The following FABP7 variants were observed in gnomAD, a reference collection of about 807,000 sequenced individuals.
FABP7 encodes the protein fatty acid-binding protein, brain.
In FABP7, 13 loss-of-function variants were observed where a neutral mutation model predicts 14.2. The ratio of observed to expected loss-of-function variants is 0.91; its 90% CI spans 0.59 to 1.45. The LOEUF is 1.45. FABP7 is among the 40% of genes most tolerant of loss of function. FABP7 has a pLI of 0.00. For synonymous variants in FABP7, 49 were observed against 51.4 expected, an observed-to-expected ratio of 0.95 and a Z score of 0.20; for missense variants, 149 against 157.6, an observed-to-expected ratio of 0.95 and a Z score of 0.29.
chr6:122,763,645 C>T, the FABP7 span, among the ~76,000 whole-genome samples: 1 of 152,116 alleles, frequency 6.6e-6, no homozygotes, highest in African/African-American at 2.4e-5. Context: ...ACCCATCTGA[C>T]AAAGGGCTAA....
At chr6:122,769,975 T>C in the FABP7 span, among the ~76,000 whole-genome samples, 2 of 152,156 alleles carry the variant, frequency 1.3e-5, no homozygotes, top group Non-Finnish European at 2.9e-5. Flanking sequence ...TATTGCAGAT[T>C]TCAATGGCCC....
At chr6:122,768,949 G>T in the FABP7 span, among the ~76,000 whole-genome samples, 1 of 152,096 alleles carries the variant, frequency 6.6e-6, no homozygotes, top group African/African-American at 2.4e-5. Context: ...AACAGGTTTT[G>T]TATTTTTGCA....
At chr6:122,783,338 T>C in intron 3 of FABP7, 12 of 985,034 alleles carry the variant, frequency 1.2e-5, no homozygotes, top group Non-Finnish European at 1.4e-5. Context: ...AAAATTTATC[T>C]AGGTTAAGAA....
At chr6:122,752,172 A>G in the FABP7 span, among the ~76,000 whole-genome samples, 2 of 152,190 alleles carry the variant, frequency 1.3e-5, no homozygotes, top group Non-Finnish European at 2.9e-5. Flanking sequence ...AGGAGCAAAT[A>G]TAAAAAAATC....
chr6:122,763,690 C>G, the FABP7 span, among the ~76,000 whole-genome samples: 1 of 152,022 alleles, frequency 6.6e-6, no homozygotes, highest in Non-Finnish European at 1.5e-5. Flanking sequence ...AACAAATTTA[C>G]AAGAAAAAAA....
At chr6:122,751,711 G>A in the FABP7 span, among the ~76,000 whole-genome samples, 3 of 152,116 alleles carry the variant, frequency 2.0e-5, no homozygotes, top group South Asian at 6.2e-4. Context: ...GGGAACTGAG[G>A]TACAAACGCT....
intron 3 of FABP7, chr6:122,781,600 G>A (rs767747538): frequency 3.3e-5 from 38 of 1,163,170 alleles, no homozygotes; most frequent in Non-Finnish European, 3.9e-5. Flanking sequence ...TGACTTTATA[G>A]CTCCTGTAAT....
the FABP7 span, among the ~76,000 whole-genome samples, chr6:122,766,101 A>C: frequency 6.6e-6 from 1 of 152,066 alleles, no homozygotes; most frequent in South Asian, 2.1e-4. Flanking sequence ...TCTGCTCTCA[A>C]ATATGTAGCT....
the FABP7 span, among the ~76,000 whole-genome samples, chr6:122,749,550 C>T: frequency 1.7e-4 from 26 of 152,214 alleles, no homozygotes; most frequent in African/African-American, 6.3e-4. Flanking sequence ...ACTTATAACC[C>T]TAAATATCTA....
chr6:122,781,434 T>C, intron 3 of FABP7: 1 of 1,403,206 alleles, frequency 7.1e-7, no homozygotes, highest in Non-Finnish European at 9.3e-7. Context: ...TCATGTGTAG[T>C]TAAAAAAATA....
At chr6:122,768,713 C>T in the FABP7 span, among the ~76,000 whole-genome samples, 8 of 152,162 alleles carry the variant, frequency 5.3e-5, no homozygotes, top group Non-Finnish European at 7.4e-5. Context: ...CACTAACCAA[C>T]GGGTATGATT....
chr6:122,779,639 G>T (rs1780729535), upstream of FABP7: 3 of 659,166 alleles, frequency 4.6e-6, no homozygotes, highest in Non-Finnish European at 8.1e-6. Flanking sequence ...CACTGGAGGG[G>T]TGTGTTTGCA....
the FABP7 span, among the ~76,000 whole-genome samples, chr6:122,764,243 A>G: frequency 6.6e-6 from 1 of 152,138 alleles, no homozygotes; most frequent in Non-Finnish European, 1.5e-5. Context: ...TTGTAGGGAC[A>G]TGGATGAAGC....
chr6:122,774,071 C>T, the FABP7 span, among the ~76,000 whole-genome samples: 40 of 151,956 alleles, frequency 2.6e-4, no homozygotes, highest in African/African-American at 9.2e-4. Flanking sequence ...GTTTAGAAAG[C>T]TTGGAAAAAG....
intron 3 of FABP7, chr6:122,783,364 TAAACCTATTATA>T (rs1304241711): frequency 5.1e-6 from 5 of 984,874 alleles, no homozygotes; most frequent in Non-Finnish European, 6.0e-6. Context: ...AACTGTTATG[TAAACCTATTATA>T]AAACTCATTC....
At chr6:122,758,022 T>C in the FABP7 span, among the ~76,000 whole-genome samples, 1 of 152,020 alleles carries the variant, frequency 6.6e-6, no homozygotes, top group Non-Finnish European at 1.5e-5. Flanking sequence ...AGTCTCACTT[T>C]TCATCCATTT....
At chr6:122,758,440 G>C in the FABP7 span, among the ~76,000 whole-genome samples, 1 of 152,164 alleles carries the variant, frequency 6.6e-6, no homozygotes, top group Non-Finnish European at 1.5e-5. Flanking sequence ...GAGGATATAA[G>C]ACAATGCTAA....
rs1241730011 is a variant in FABP7, at chr6:122,781,110, T to A, written c.264T>A (p.Asp88Glu). 1 of 1,613,628 alleles carries A rather than the reference T, an allele frequency of 6.2e-7. No homozygotes were observed. Among genetic ancestry groups the A allele is most frequent in the Non-Finnish European group, 8.5e-7 (1 of 1,179,594 alleles). The change falls in exon 3 of 4, where the codon GAT (aspartate) becomes GAA (glutamate). Residue 88 changes from aspartate to glutamate, a missense_variant. Coordinates refer to ENST00000368444, the MANE Select transcript of FABP7 (RefSeq NM_001446.5). ...GGTCTCAGTCTGTTGTTAGCCTGGA[T>A]GGAGACAAACTTGTTCACATACAGA... ...DRNCKSVVSL[D>E]GDKLVHIQKW...
At chr6:122,774,582 C>A in the FABP7 span, among the ~76,000 whole-genome samples, 13 of 151,764 alleles carry the variant, frequency 8.6e-5, no homozygotes, top group South Asian at 2.1e-4. Flanking sequence ...TAAAATAAGT[C>A]AAAAATGTCA....
Sources: allele counts gnomAD v4.1 joint callset (sites outside exome capture counted in the v4.1 genomes callset), GRCh38; gene constraint gnomAD v4.1.1; transcripts MANE v1.5; gene names NCBI Gene and HGNC (gene_info 2026-07-23, HGNC 2026-07-21).